C8orf34: variants seen among roughly 807,000 people sequenced by gnomAD.
The protein encoded by C8orf34 is chromosome 8 open reading frame 34, also known as uncharacterized protein C8orf34.
C8orf34 carries 65 observed loss-of-function variants against 68.3 expected under a neutral mutation model. The ratio of observed to expected loss-of-function variants is 0.95; its 90% CI spans 0.78 to 1.17. The LOEUF (loss-of-function observed/expected upper bound fraction) is 1.17. Ranked by LOEUF, C8orf34 falls within the 50% of genes most tolerant of loss-of-function variation. The probability of loss-of-function intolerance (pLI) is 0.00; values close to 1 mark genes in which losing one functional copy is unlikely to be tolerated. For missense variants in C8orf34, 664 were observed against 655.4 expected (o/e 1.01, Z -0.14); for synonymous variants, 244 against 241.2 (o/e 1.01, Z -0.11).
intron 7 of C8orf34, among the ~76,000 whole-genome samples, chr8:68,553,066 G>T (rs1032038232): frequency 2.0e-5 from 3 of 151,702 alleles, no homozygotes; most frequent in African/African-American, 7.3e-5. Context: ...TGTAAAACTG[G>T]TCCCATAGCA....
chr8:68,378,671 A>C (rs1001202989), intron 1 of C8orf34, among the ~76,000 whole-genome samples: 1 of 152,216 alleles, frequency 6.6e-6, no homozygotes, highest in Non-Finnish European at 1.5e-5. Flanking sequence ...TGAGCAATTT[A>C]ACCAATCAAC....
At chr8:68,700,282 A>G (rs1016237617) in intron 8 of C8orf34, among the ~76,000 whole-genome samples, 4 of 152,156 alleles carry the variant, frequency 2.6e-5, no homozygotes, top group African/African-American at 9.6e-5. Context: ...ATGCAGGGAT[A>G]TCTGGGAGGG....
intron 8 of C8orf34, among the ~76,000 whole-genome samples, chr8:68,641,674 G>A (rs1349633729): frequency 6.6e-6 from 1 of 152,118 alleles, no homozygotes; most frequent in East Asian, 1.9e-4. Context: ...TCGATGCTTG[G>A]TTCATGTCAT....
chr8:68,604,515 G>A (rs1396402772), intron 7 of C8orf34, among the ~76,000 whole-genome samples: 1 of 152,018 alleles, frequency 6.6e-6, no homozygotes, highest in Admixed American at 6.6e-5. Flanking sequence ...TATTTTTAAT[G>A]ACAACAATTT....
intron 5 of C8orf34, among the ~76,000 whole-genome samples, chr8:68,501,659 A>G (rs1813777211): frequency 6.6e-6 from 1 of 152,190 alleles, no homozygotes; most frequent in Admixed American, 6.5e-5. Context: ...CCATATCTAC[A>G]CACACAACAA....
chr8:68,368,357 A>G (rs1807407603), intron 1 of C8orf34, among the ~76,000 whole-genome samples: 1 of 152,130 alleles, frequency 6.6e-6, no homozygotes, highest in South Asian at 2.1e-4. Flanking sequence ...TCTAGTTGCT[A>G]TAGCTTTTAT....
chr8:68,630,270 T>C (rs2130691348), intron 7 of C8orf34, among the ~76,000 whole-genome samples: 1 of 152,236 alleles, frequency 6.6e-6, no homozygotes, highest in South Asian at 2.1e-4. Context: ...TAGCACATTT[T>C]ATTTAAACTG....
rs557339385 is a variant in C8orf34, at chr8:68,686,635, T to C, written c.1242-22359T>C. 2.2e-4 allele frequency among the ~76,000 whole-genome samples: 33 copies of C among 152,140 alleles called. 1 individual carries two copies. The South Asian group carries it at 6.8e-3, about 32-fold the overall frequency. On this transcript the variant is annotated intron_variant, in intron 8 of 13. Transcript: ENST00000518698. ...ATAGAAGGGACTTACCTCAAAATAA[T>C]AGAATTTATATATGAAACACCCAGT...
chr8:68,615,935 T>G (rs1173302955), intron 7 of C8orf34, among the ~76,000 whole-genome samples: 3 of 151,172 alleles, frequency 2.0e-5, no homozygotes, highest in Non-Finnish European at 4.4e-5. Context: ...TCTTTTTGGT[T>G]GGTAAGCTAT....
intron 10 of C8orf34, among the ~76,000 whole-genome samples, chr8:68,753,008 A>T (rs1391040274): frequency 6.6e-6 from 1 of 152,202 alleles, no homozygotes; most frequent in Admixed American, 6.5e-5. Flanking sequence ...ATTTCCTCCC[A>T]ATCCACCAGA....
Position 68,533,021 on chromosome 8 carries a change from A to G in C8orf34, c.977A>G (p.Gln326Arg). Residue 326 changes from glutamine to arginine, a missense_variant, in exon 7 of 14, where the codon CAG (glutamine) becomes CGG (arginine). Physicochemically the swap from Gln to Arg is conservative, Grantham distance 43. Transcript: ENST00000518698. ...CCTAAGAACAAAGGATTAAAACAGC[A>G]GCAACAGCAACATAAGAAACTCCTG... is the stretch of plus-strand genomic sequence containing the variant. ...MEPKNKGLKQQQQQHKKLLAA... is the reference protein window; with the variant it reads ...MEPKNKGLKQRQQQHKKLLAA... 1 of 1,609,334 alleles carries G rather than the reference A, an allele frequency of 6.2e-7. No homozygotes were observed.
At chr8:68,769,551 A>G (rs1223270958) in intron 10 of C8orf34, among the ~76,000 whole-genome samples, 1 of 152,192 alleles carries the variant, frequency 6.6e-6, no homozygotes, top group African/African-American at 2.4e-5. Context: ...TATAATCAAT[A>G]ATTACTTACA....
chr8:68,599,528 G>C (rs1817639776), intron 7 of C8orf34, among the ~76,000 whole-genome samples: 1 of 151,820 alleles, frequency 6.6e-6, no homozygotes, highest in African/African-American at 2.4e-5. Flanking sequence ...GAAAAAAAAA[G>C]TCTAGAAGTG....
intron 6 of C8orf34, among the ~76,000 whole-genome samples, chr8:68,527,286 A>G (rs1473764402): frequency 6.6e-6 from 1 of 152,182 alleles, no homozygotes; most frequent in Non-Finnish European, 1.5e-5. Context: ...ACTATTATTC[A>G]GAAATGAGAG....
chr8:68,648,653 G>A (rs1412215756), intron 8 of C8orf34, among the ~76,000 whole-genome samples: 1 of 152,176 alleles, frequency 6.6e-6, no homozygotes, highest in East Asian at 1.9e-4. Context: ...GGAGCCGAAA[G>A]CCATTTTAAA....
At chr8:68,815,212 C>T (rs867946528) in intron 12 of C8orf34, among the ~76,000 whole-genome samples, 1 of 152,106 alleles carries the variant, frequency 6.6e-6, no homozygotes, top group Admixed American at 6.5e-5. Context: ...TGCCCCATTT[C>T]CCCACTAGGT....
intron 9 of C8orf34, among the ~76,000 whole-genome samples, chr8:68,711,710 T>C (rs1398750288): frequency 1.3e-5 from 2 of 152,114 alleles, no homozygotes; most frequent in African/African-American, 2.4e-5. Context: ...AACCTAAGAA[T>C]AGTTGGTGTT....
chr8:68,680,223 A>G (rs1820326525), intron 8 of C8orf34, among the ~76,000 whole-genome samples: 1 of 152,210 alleles, frequency 6.6e-6, no homozygotes, highest in Non-Finnish European at 1.5e-5. Flanking sequence ...ATATGACTCT[A>G]TAGGAAAAAA....
intron 7 of C8orf34, among the ~76,000 whole-genome samples, chr8:68,545,905 A>G (rs1051338128): frequency 6.6e-6 from 1 of 152,142 alleles, no homozygotes; most frequent in African/African-American, 2.4e-5. Flanking sequence ...TATAATAAAC[A>G]CAGCATTAAA....
Sources: allele counts gnomAD v4.1 joint callset (sites outside exome capture counted in the v4.1 genomes callset), GRCh38; gene constraint gnomAD v4.1.1; transcripts MANE v1.5; gene names NCBI Gene and HGNC (gene_info 2026-07-23, HGNC 2026-07-21).